GPR139: variants seen among roughly 807,000 people sequenced by gnomAD.
GPR139 encodes the protein G protein-coupled receptor 139, also known as probable G protein-coupled receptor 139.
A neutral mutation model predicts 25.8 loss-of-function variants in GPR139; 12 were observed. The ratio of observed to expected loss-of-function variants is 0.47; its 90% CI spans 0.30 to 0.75. The LOEUF is 0.75. Among genes scored for constraint, GPR139 ranks in the 30% least tolerant of loss-of-function variants. GPR139 has a pLI of 0.07. For missense variants in GPR139, 380 were observed against 450.2 expected, an observed-to-expected ratio of 0.84 and a Z score of 1.41; for synonymous variants, 184 against 179.9, an observed-to-expected ratio of 1.02 and a Z score of -0.18.
At chr16:20,038,470 T>C (rs1329478639) in intron 1 of GPR139, among the ~76,000 whole-genome samples, 8 of 151,986 alleles carry the variant, frequency 5.3e-5, no homozygotes, top group South Asian at 4.2e-4. Flanking sequence ...TCTTTAAAAG[T>C]ATTCCAACCC....
rs1470382618 is a variant in GPR139, at chr16:20,047,316, G to C, written c.128-14647C>G. Reference sequence around the variant, plus strand: ...AATAGAGATAGGGTTTCACTATGTTGGCCAGGCTGGTCTCGAACTCCTGAC... The same window carrying C: ...AATAGAGATAGGGTTTCACTATGTTCGCCAGGCTGGTCTCGAACTCCTGAC... On this transcript the variant is annotated intron_variant, in intron 1 of 1. Transcript: ENST00000570682. 1.2e-4 allele frequency among the ~76,000 whole-genome samples: 19 copies of C among 152,222 alleles called. No individual in the cohort carries two copies. In the East Asian group the frequency reaches 3.7e-3, roughly 30 times the overall value.
chr16:20,046,714 C>T (rs565206448), intron 1 of GPR139, among the ~76,000 whole-genome samples: 5 of 152,092 alleles, frequency 3.3e-5, no homozygotes, highest in African/African-American at 7.2e-5. Context: ...GAACGGCACT[C>T]GAGGATCTGG....
Position 20,032,503 on chromosome 16 carries a change from C to G in GPR139, c.294G>C (p.Gln98His), listed in dbSNP as rs181415488. 1.2e-6 allele frequency: 2 copies of G among 1,614,106 alleles called. No individual in the cohort carries two copies. Among genetic ancestry groups the G allele is most frequent in the African/African-American group, 2.7e-5 (2 of 75,024 alleles). ...EDFILNMQMP[Q>H]VPDKIIEVLE... ...GCACTTCTATGATCTTGTCGGGGACCTGAGGCATCTGCATGTTCAAGATGA... is the reference window on the plus strand; with the variant it reads ...GCACTTCTATGATCTTGTCGGGGACGTGAGGCATCTGCATGTTCAAGATGA... Residue 98 changes from glutamine to histidine, a missense_variant, in exon 2 of 2, where the codon CAG becomes CAC. Transcript: ENST00000570682.
intron 1 of GPR139, among the ~76,000 whole-genome samples, chr16:20,033,383 T>C (rs2057298728): frequency 1.3e-5 from 2 of 152,354 alleles, no homozygotes; most frequent in African/African-American, 4.8e-5. Context: ...ACTGGGGCTC[T>C]GAGAGCTTAA....
intron 1 of GPR139, among the ~76,000 whole-genome samples, chr16:20,053,775 G>A (rs764233324): frequency 4.3e-4 from 65 of 151,992 alleles, no homozygotes; most frequent in Admixed American, 8.5e-4. Context: ...TCTTGAATCC[G>A]CATTCTCATA....
intron 1 of GPR139, among the ~76,000 whole-genome samples, chr16:20,057,482 A>C (rs2057393675): frequency 6.6e-6 from 1 of 152,058 alleles, no homozygotes; most frequent in East Asian, 1.9e-4. Flanking sequence ...TATGGGATTA[A>C]GAAGGTAGTC....
chr16:20,063,999 G>T (rs1202123444), intron 1 of GPR139, among the ~76,000 whole-genome samples: 3 of 152,190 alleles, frequency 2.0e-5, no homozygotes, highest in Non-Finnish European at 4.4e-5. Flanking sequence ...TTCACATGGT[G>T]GCAGGAAAGA....
chr16:20,063,582 T>C (rs2057421472), intron 1 of GPR139, among the ~76,000 whole-genome samples: 1 of 152,200 alleles, frequency 6.6e-6, no homozygotes, highest in Non-Finnish European at 1.5e-5. Context: ...AAACTTTCCC[T>C]TTGATGGAAT....
intron 1 of GPR139, among the ~76,000 whole-genome samples, chr16:20,071,520 A>T (rs1016937163): frequency 6.6e-6 from 1 of 152,212 alleles, no homozygotes; most frequent in Non-Finnish European, 1.5e-5. Flanking sequence ...TTAGCATACC[A>T]TAGTGGCCAA....
chr16:20,060,671 G>A lies in GPR139; in HGVS notation c.127+12819C>T, dbSNP rs75227332. ...CAGTTCATACTCTGTATAATGTATT[G>A]TCCCAACTCAGGGTCAATTTACCTG... is the stretch of plus-strand genomic sequence containing the variant. On this transcript the variant is annotated intron_variant, in intron 1 of 1. Transcript: ENST00000570682. Among the ~76,000 whole-genome samples the A allele has an allele frequency of 2.6e-4, 39 of 152,314 alleles. No homozygotes were observed. In the East Asian group the frequency reaches 7.3e-3, roughly 29 times the overall value.
intron 1 of GPR139, among the ~76,000 whole-genome samples, chr16:20,059,401 C>A (rs1450886941): frequency 1.3e-5 from 2 of 152,174 alleles, no homozygotes; most frequent in African/African-American, 4.8e-5. Context: ...TCTAACCTCA[C>A]TGGTCTTTCG....
intron 1 of GPR139, among the ~76,000 whole-genome samples, chr16:20,054,680 CCTTCCTT>C (rs1366737182): frequency 1.5e-5 from 2 of 129,574 alleles, no homozygotes; most frequent in Non-Finnish European, 3.7e-5. Flanking sequence ...AGATTTCCTT[CCTTCCTT>C]CTTCCTTCCT....
intron 1 of GPR139, among the ~76,000 whole-genome samples, chr16:20,040,950 C>T (rs1231484444): frequency 2.0e-5 from 3 of 151,690 alleles, no homozygotes; most frequent in African/African-American, 7.3e-5. Flanking sequence ...TCTCTGCATC[C>T]TAAATTTCTG....
chr16:20,047,555 AAAC>A (rs1306113837), intron 1 of GPR139, among the ~76,000 whole-genome samples: 1 of 152,208 alleles, frequency 6.6e-6, no homozygotes, highest in Non-Finnish European at 1.5e-5. Context: ...AAAGAAGAAA[AAAC>A]AATAACACGT....
intron 1 of GPR139, among the ~76,000 whole-genome samples, chr16:20,036,135 A>G (rs1185157164): frequency 9.2e-5 from 14 of 152,238 alleles, no homozygotes; most frequent in Non-Finnish European, 1.3e-4. Flanking sequence ...TACAGAAAGA[A>G]GGACAAAACT....
At chr16:20,055,239 A>G (rs575068291) in intron 1 of GPR139, among the ~76,000 whole-genome samples, 1 of 152,302 alleles carries the variant, frequency 6.6e-6, no homozygotes, top group African/African-American at 2.4e-5. Flanking sequence ...GCTAAGGATG[A>G]TGGTCTTTTC....
chr16:20,058,125 T>C (rs1567239191), intron 1 of GPR139, among the ~76,000 whole-genome samples: 1 of 152,218 alleles, frequency 6.6e-6, no homozygotes, highest in Non-Finnish European at 1.5e-5. Context: ...GCACTCTATG[T>C]ATATTACATT....
chr16:20,043,900 G>A (rs1349212647), intron 1 of GPR139, among the ~76,000 whole-genome samples: 3 of 152,148 alleles, frequency 2.0e-5, no homozygotes, highest in African/African-American at 4.8e-5. Context: ...ACTTAAAACC[G>A]GAGACATGCA....
At chr16:20,057,264 C>A (rs1004768968) in intron 1 of GPR139, among the ~76,000 whole-genome samples, 1 of 152,128 alleles carries the variant, frequency 6.6e-6, no homozygotes, top group Non-Finnish European at 1.5e-5. Context: ...GCCTTAGTTT[C>A]CCCATATGCC....
Sources: gnomAD v4.1 joint callset for allele counts (sites outside exome capture counted in the v4.1 genomes callset) on GRCh38, gnomAD v4.1.1 for gene constraint, MANE v1.5 for transcripts, NCBI Gene and HGNC (gene_info 2026-07-23, HGNC 2026-07-21) for gene names.